TRPM4: variants seen among roughly 807,000 people sequenced by gnomAD.
The protein encoded by TRPM4 is calcium-activated non-selective cation channel 1.
A neutral mutation model predicts 135.6 loss-of-function variants in TRPM4; 124 were observed. The ratio of observed to expected loss-of-function variants is 0.91; its 90% CI spans 0.79 to 1.06. The LOEUF (loss-of-function observed/expected upper bound fraction) is 1.06, where lower values mean the gene tolerates loss of function less well. TRPM4 is among the 50% of genes least tolerant of loss of function. The pLI is 0.00. For missense variants in TRPM4, 1,658 were observed against 1,671.4 expected (o/e 0.99, Z 0.14); for synonymous variants, 745 against 705.6 (o/e 1.06, Z -0.88).
Position 49,196,845 on chromosome 19 carries a change from C to A in TRPM4, c.2616C>A (p.Leu872=). ...GGAACCAGTGCGACCTAGTGGCTCT[C>A]ACCTGCTTCCTCCTGGGCGTGGGCT... The part of the protein sequence containing the change: ...DSWNQCDLVA[L]TCFLLGVGCR... Residue 872 remains leucine, a synonymous_variant, in exon 17 of 25, where the codon CTC becomes CTA. Transcript: ENST00000252826. The A allele has an allele frequency of 6.3e-7, 1 of 1,589,040 alleles. No individual in the cohort carries two copies. The highest frequency in any genetic ancestry group is 2.3e-5 in the East Asian group (1 of 44,260).
intron 19 of TRPM4, among the ~76,000 whole-genome samples, chr19:49,201,618 A>G (rs993897130): frequency 8.5e-5 from 13 of 152,198 alleles, no homozygotes; most frequent in East Asian, 1.9e-4. Flanking sequence ...TACTTTTTAC[A>G]TGGAGTTTTG....
intron 11 of TRPM4, 27 bp from the exon 12 acceptor site, chr19:49,183,051 C>G: frequency 6.2e-7 from 1 of 1,609,206 alleles, no homozygotes; most frequent in Non-Finnish European, 8.5e-7. Context: ...AGGGGCTGGT[C>G]CTCACCACCC....
chr19:49,166,919 CGGG>C (rs1967213314), intron 3 of TRPM4, among the ~76,000 whole-genome samples: 1 of 113,880 alleles, frequency 8.8e-6, no homozygotes, highest in Non-Finnish European at 1.8e-5. Context: ...TCTGTTTCTC[CGGG>C]TCTCCGTCCC....
At chr19:49,191,984 C>T (rs1238778643) in intron 16 of TRPM4, among the ~76,000 whole-genome samples, 2 of 152,174 alleles carry the variant, frequency 1.3e-5, no homozygotes, top group African/African-American at 2.4e-5. Flanking sequence ...CACATACTTC[C>T]ATCCCTCTGT....
chr19:49,183,118 T>C lies in TRPM4; in HGVS notation c.1649T>C (p.Leu550Pro), dbSNP rs1212872658. Residue 550 changes from leucine (L) to proline (P), a missense_variant, in exon 12 of 25, where the codon CTG becomes CCG. Physicochemically the swap from Leu to Pro is moderately conservative, Grantham distance 98. This residue lies in a region of TRPM4 where 1,412 missense variants were observed against 1,408.7 expected (regional missense o/e 1.00). Transcript: ENST00000252826. ...LSDKATSPLS[L>P]DAGLGQAPWS... ...GACAAGGCCACCTCGCCGCTCTCGCTGGATGCTGGCCTCGGGCAGGCCCCC... is the reference window on the plus strand; with the variant it reads ...GACAAGGCCACCTCGCCGCTCTCGCCGGATGCTGGCCTCGGGCAGGCCCCC... The C allele has an allele frequency of 6.2e-7, 1 of 1,613,780 alleles. No homozygotes were observed. Among genetic ancestry groups the C allele is most frequent in the South Asian group, 1.1e-5 (1 of 91,058 alleles).
intron 12 of TRPM4, among the ~76,000 whole-genome samples, chr19:49,187,818 G>T (rs1968254861): frequency 6.6e-6 from 1 of 152,220 alleles, no homozygotes; most frequent in South Asian, 2.1e-4. Context: ...AGTGCTGATT[G>T]GTCAGGTTGG....
chr19:49,195,877 T>TATC (rs1968614601), intron 16 of TRPM4, among the ~76,000 whole-genome samples: 1 of 150,188 alleles, frequency 6.7e-6, no homozygotes, highest in Non-Finnish European at 1.5e-5. Flanking sequence ...ATTTTATTAT[T>TATC]ATTATTATTA....
chr19:49,206,397 G>A (rs889084121), intron 20 of TRPM4, among the ~76,000 whole-genome samples: 7 of 150,612 alleles, frequency 4.6e-5, no homozygotes, highest in Admixed American at 1.3e-4. Flanking sequence ...GAGTTTCCAT[G>A]TCTGTCAAAA....
At chr19:49,181,890 C>G (rs1352262241) in intron 10 of TRPM4, among the ~76,000 whole-genome samples, 1 of 152,048 alleles carries the variant, frequency 6.6e-6, no homozygotes, top group African/African-American at 2.4e-5. Context: ...TCCAGCCTTC[C>G]CTTAATTGTC....
rs541280602 is a variant in TRPM4 at position 49,199,480 on chromosome 19, C to T, written c.2646-820C>T. On this transcript the variant is annotated intron_variant, in intron 17 of 24. Transcript: ENST00000252826. ...TTCACCGTGTTAGCCAAGATGTTCT[C>T]GATCTCCTGACCCCGTGATCCGCCC... Among the ~76,000 whole-genome samples the T allele has an allele frequency of 2.6e-5, 4 of 152,164 alleles. No individual in the cohort carries two copies. The South Asian group carries it at 6.2e-4, about 24-fold the overall frequency.
At position 49,175,745 on chromosome 19, in the gene TRPM4, C is replaced by T. The variant is rs539845612; in HGVS notation, c.1150+3637C>T. Among the ~76,000 whole-genome samples, 8 of 149,620 alleles carry T rather than the reference C, an allele frequency of 5.3e-5. No individual in the cohort carries two copies. The East Asian group carries it at 1.6e-3, about 30-fold the overall frequency. ...GCGCGATCTCGGCTCGCTGAAAGCTCTGCCTCCTGGGTTCACGCCATTCTC... is the reference window on the plus strand; with the variant it reads ...GCGCGATCTCGGCTCGCTGAAAGCTTTGCCTCCTGGGTTCACGCCATTCTC... On this transcript the variant is annotated intron_variant, in intron 9 of 24. Transcript: ENST00000252826.
chr19:49,189,719 A>G (rs756547628), intron 14 of TRPM4, among the ~76,000 whole-genome samples: 2 of 152,080 alleles, frequency 1.3e-5, no homozygotes, highest in Non-Finnish European at 2.9e-5. Context: ...TCAGAGTCCC[A>G]CTTTAGTACA....
At chr19:49,178,415 C>T (rs551216198) in intron 9 of TRPM4, among the ~76,000 whole-genome samples, 10 of 152,170 alleles carry the variant, frequency 6.6e-5, no homozygotes, top group African/African-American at 2.2e-4. Context: ...GGTGCCGAAG[C>T]TTGAGCTATA....
At position 49,189,103 on chromosome 19, in the gene TRPM4, C is replaced by T. The variant is rs773790158; in HGVS notation, c.2019+12C>T. 2.4e-5 allele frequency: 39 copies of T among 1,614,030 alleles called. No individual in the cohort carries two copies. In the East Asian group the frequency reaches 2.9e-4, roughly 12 times the overall value. On this transcript the variant is annotated intron_variant, in intron 14 of 24. Transcript: ENST00000252826. ...AGGATGGGGTACAGGTGAGTATCTG[C>T]GACACCAACATCCCAAACAGTCTCC...
chr19:49,207,016 G>C (rs1487442305), intron 20 of TRPM4, among the ~76,000 whole-genome samples: 6 of 152,130 alleles, frequency 3.9e-5, no homozygotes, highest in African/African-American at 1.4e-4. Context: ...CTGCAACTTT[G>C]CTGAATCTGC....
intron 3 of TRPM4, 26 bp from the exon 4 acceptor site, chr19:49,167,891 T>C: frequency 6.2e-7 from 1 of 1,611,636 alleles, no homozygotes; most frequent in Non-Finnish European, 8.5e-7. Flanking sequence ...CCCCTCCCTG[T>C]GTGCCCCGCT....
Position 49,200,792 on chromosome 19 carries a change from G to C in TRPM4, c.2953+7G>C, listed in dbSNP as rs1968900598. On this transcript the variant is annotated splice_region_variant and intron_variant, in intron 19 of 24. Coordinates refer to ENST00000252826, the MANE Select transcript of TRPM4 (RefSeq NM_017636.4). The stretch of plus-strand genomic sequence containing the variant: ...CCCCAGGAGGACATGGACGGTAGGG[G>C]GGATGACGGCCTGACAGCCTTCCTC... 6.2e-7 allele frequency: 1 copy of C among 1,613,654 alleles called. No individual in the cohort carries two copies. Among genetic ancestry groups the C allele is most frequent in the African/African-American group, 1.3e-5 (1 of 75,006 alleles).
intron 16 of TRPM4, among the ~76,000 whole-genome samples, chr19:49,191,651 C>G (rs935351136): frequency 6.6e-6 from 1 of 152,066 alleles, no homozygotes; most frequent in Non-Finnish European, 1.5e-5. Flanking sequence ...AGGAGCCCAC[C>G]ACCACACCTG....
intron 17 of TRPM4, 72 bp from the exon 18 acceptor site, chr19:49,200,228 G>A (rs1968860465): frequency 6.2e-7 from 1 of 1,610,908 alleles, no homozygotes; most frequent in Non-Finnish European, 8.5e-7. Context: ...CTGAAGGATG[G>A]CATTGGGAAG....
Sources: allele counts gnomAD v4.1 joint callset (sites outside exome capture counted in the v4.1 genomes callset), GRCh38; gene constraint gnomAD v4.1.1; regional missense constraint gnomAD v4.1.1; transcripts MANE v1.5; gene names NCBI Gene and HGNC (gene_info 2026-07-23, HGNC 2026-07-21).